Variants in PLEKHA2 observed in about 807,000 individuals in gnomAD.
PLEKHA2 encodes pleckstrin homology domain containing A2, also known as pleckstrin homology domain-containing family A member 2.
A neutral mutation model predicts 53.2 loss-of-function variants in PLEKHA2; 28 were observed. That is an observed-to-expected ratio of 0.53 (90% CI 0.39 to 0.72). The LOEUF (loss-of-function observed/expected upper bound fraction) is 0.72. Ranked by LOEUF, PLEKHA2 falls within the 30% of genes least tolerant of loss-of-function variation. The pLI, the probability that PLEKHA2 is intolerant of heterozygous loss-of-function variation, is 0.00. For missense variants in PLEKHA2, 426 were observed against 537.9 expected (o/e 0.79, Z 2.06); for synonymous variants, 193 against 196.4 (o/e 0.98, Z 0.14).
intron 9 of PLEKHA2, among the ~76,000 whole-genome samples, 175 bp downstream of exon 9, chr8:38,953,542 G>A (rs999451701): frequency 5.9e-5 from 9 of 152,284 alleles, no homozygotes; most frequent in Non-Finnish European, 1.5e-5. Context: ...GGAGGAGACC[G>A]CCCTGGGCAC....
intron 3 of PLEKHA2, among the ~76,000 whole-genome samples, chr8:38,936,399 C>T (rs766243305): frequency 3.3e-5 from 5 of 152,144 alleles, no homozygotes; most frequent in Admixed American, 1.3e-4. Context: ...AAAGGGAACA[C>T]GAAAACAATC....
chr8:38,967,802 C>T (rs1298025021), intron 10 of PLEKHA2, among the ~76,000 whole-genome samples: 1 of 151,874 alleles, frequency 6.6e-6, no homozygotes, highest in African/African-American at 2.4e-5. Context: ...GCTGGGACTA[C>T]GGGCGCACGC....
Position 38,918,012 on chromosome 8 carries a change from G to A in PLEKHA2, c.83G>A (p.Arg28Lys). Reference sequence around the variant, plus strand: ...GAGAACAGCGGCAAGTTTCTGCGGAGGTACTTCATTCTGGACACCCAGGCT... The same window carrying A: ...GAGAACAGCGGCAAGTTTCTGCGGAAGTACTTCATTCTGGACACCCAGGCT... Reference protein sequence around the residue: ...EHENSGKFLRRYFILDTQANC... With the variant: ...EHENSGKFLRKYFILDTQANC... Residue 28 changes from arginine (R) to lysine (K), a missense_variant, in exon 2 of 12, where the codon AGG (arginine) becomes AAG (lysine). Arg to Lys is a conservative substitution (Grantham distance 26, BLOSUM62 2). Transcript: ENST00000617275. 6.2e-7 allele frequency: 1 copy of A among 1,613,560 alleles called. No individual in the cohort carries two copies. The highest frequency in any genetic ancestry group is 8.5e-7 in the Non-Finnish European group (1 of 1,179,662).
intron 2 of PLEKHA2, among the ~76,000 whole-genome samples, chr8:38,930,587 C>G (rs1011483130): frequency 6.6e-6 from 1 of 152,224 alleles, no homozygotes; most frequent in African/African-American, 2.4e-5. Flanking sequence ...ATGTACAGAC[C>G]ACTCCTGACT....
chr8:38,942,087 G>A (rs2129420435), intron 3 of PLEKHA2, among the ~76,000 whole-genome samples: 1 of 152,238 alleles, frequency 6.6e-6, no homozygotes, highest in African/African-American at 2.4e-5. Flanking sequence ...TTAGCACCTG[G>A]CTTCTGATAC....
intron 10 of PLEKHA2, among the ~76,000 whole-genome samples, chr8:38,965,258 G>C (rs1013001995): frequency 2.0e-5 from 3 of 152,176 alleles, no homozygotes; most frequent in African/African-American, 7.2e-5. Flanking sequence ...TGGGTTTCCT[G>C]TGTGACAGTT....
intron 10 of PLEKHA2, among the ~76,000 whole-genome samples, chr8:38,962,742 T>A (rs1021000716): frequency 6.6e-6 from 1 of 152,252 alleles, no homozygotes; most frequent in Non-Finnish European, 1.5e-5. Context: ...AAACTGGTCT[T>A]AGCTTGGCAT....
intron 3 of PLEKHA2, among the ~76,000 whole-genome samples, chr8:38,940,147 C>T (rs1040076829): frequency 6.6e-6 from 1 of 150,898 alleles, no homozygotes; most frequent in South Asian, 2.1e-4. Context: ...CCTATAATCC[C>T]AGCACTTTGG....
chr8:38,946,320 C>G (rs931774199), intron 5 of PLEKHA2, 99 bp downstream of exon 5: 2 of 1,016,324 alleles, frequency 2.0e-6, no homozygotes, highest in Non-Finnish European at 3.0e-6. Flanking sequence ...GCAGCGGGGA[C>G]TTTCCCAGGA....
chr8:38,930,510 C>T (rs1834371933), intron 2 of PLEKHA2, among the ~76,000 whole-genome samples: 2 of 152,248 alleles, frequency 1.3e-5, no homozygotes, highest in South Asian at 4.1e-4. Context: ...AGCCTAAAAC[C>T]ACCTATCTTT....
At chr8:38,908,148 T>A (rs1011971027) in intron 1 of PLEKHA2, among the ~76,000 whole-genome samples, 1 of 152,140 alleles carries the variant, frequency 6.6e-6, no homozygotes, top group Non-Finnish European at 1.5e-5. Flanking sequence ...GTTGTAGGAA[T>A]AGAGGAATAG....
chr8:38,915,188 C>T (rs1437166348), intron 1 of PLEKHA2, among the ~76,000 whole-genome samples: 3 of 152,174 alleles, frequency 2.0e-5, no homozygotes, highest in Admixed American at 1.3e-4. Flanking sequence ...TCAAGCGATC[C>T]TCCCACCTCA....
intron 2 of PLEKHA2, 149 bp downstream of exon 2, chr8:38,918,219 C>G: frequency 9.4e-7 from 1 of 1,059,628 alleles, no homozygotes; most frequent in Non-Finnish European, 1.3e-6. Flanking sequence ...CACACACAGA[C>G]ACACACACAA....
intron 1 of PLEKHA2, among the ~76,000 whole-genome samples, chr8:38,916,411 C>A (rs1249316162): frequency 6.6e-6 from 1 of 152,082 alleles, no homozygotes; most frequent in Admixed American, 6.6e-5. Context: ...TTCCCCCCAG[C>A]CCCCCACTAC....
intron 10 of PLEKHA2, among the ~76,000 whole-genome samples, chr8:38,964,852 CTTTTTTTTTTTTT>C (rs56714628): frequency 5.2e-3 from 288 of 54,950 alleles, no homozygotes; most frequent in African/African-American, 0.019. Context: ...TGTTACTTCC[CTTTTTTTTTTTTT>C]TTTTTTTTTT....
rs535817082 is a variant in PLEKHA2 at position 38,957,415 on chromosome 8, G to A, written c.837+29G>A. 7.0e-6 allele frequency: 11 copies of A among 1,576,464 alleles called. No individual in the cohort carries two copies. In the South Asian group the frequency reaches 1.2e-4, roughly 17 times the overall value. ...AAATGCTCCCTTCCAGAAGACTCCA[G>A]CATTCTGTTTCTGTGAATGGTGCCC... On this transcript the variant is annotated intron_variant, in intron 10 of 11. Coordinates refer to ENST00000617275, the MANE Select transcript of PLEKHA2 (RefSeq NM_021623.2).
intron 9 of PLEKHA2, among the ~76,000 whole-genome samples, chr8:38,955,818 G>A (rs1834928944): frequency 1.3e-5 from 2 of 152,078 alleles, no homozygotes; most frequent in Non-Finnish European, 2.9e-5. Flanking sequence ...GCTTCCTTAT[G>A]TTCTTTTTTT....
intron 6 of PLEKHA2, among the ~76,000 whole-genome samples, chr8:38,951,405 G>C (rs551043813): frequency 6.6e-6 from 1 of 150,876 alleles, no homozygotes; most frequent in Admixed American, 6.6e-5. Flanking sequence ...AAAGTACCCA[G>C]TAGAGTGCAT....
intron 10 of PLEKHA2, among the ~76,000 whole-genome samples, chr8:38,962,707 T>C (rs1835060911): frequency 2.0e-5 from 3 of 152,228 alleles, no homozygotes; most frequent in Admixed American, 2.0e-4. Flanking sequence ...GGGAAATTAG[T>C]TATTCGAAAT....
Sources: gnomAD v4.1 joint callset for allele counts (sites outside exome capture counted in the v4.1 genomes callset) on GRCh38, gnomAD v4.1.1 for gene constraint, MANE v1.5 for transcripts, NCBI Gene and HGNC (gene_info 2026-07-23, HGNC 2026-07-21) for gene names.